The following MED16 variants were observed in gnomAD, a reference collection of about 807,000 sequenced individuals.
MED16 encodes the protein mediator of RNA polymerase II transcription subunit 16.
A neutral mutation model predicts 84.4 loss-of-function variants in MED16; 81 were observed. The ratio of observed to expected loss-of-function variants is 0.96; its 90% CI spans 0.80 to 1.15. The LOEUF is 1.15. Among genes scored for constraint, MED16 ranks in the 50% most tolerant of loss-of-function variants. MED16 has a pLI of 0.00. For synonymous variants in MED16, 897 were observed against 552.2 expected (o/e 1.62, Z -8.76); for missense variants, 1,585 against 1,245.9 (o/e 1.27, Z -4.10).
intron 7 of MED16, among the ~76,000 whole-genome samples, chr19:880,466 A>T (rs1453687056): frequency 6.6e-6 from 1 of 152,142 alleles, no homozygotes; most frequent in Non-Finnish European, 1.5e-5. Context: ...GTGGGGGACC[A>T]AGGGTTGGGG....
intron 6 of MED16, among the ~76,000 whole-genome samples, chr19:884,310 G>A (rs1599338996): frequency 6.6e-6 from 1 of 152,182 alleles, no homozygotes; most frequent in African/African-American, 2.4e-5. Flanking sequence ...TCCAGCCCCA[G>A]GATTTTGTGC....
At position 877,052 on chromosome 19, in the gene MED16, G is replaced by C. The variant is rs143998221; in HGVS notation, c.1482C>G (p.His494Gln). The C allele has an allele frequency of 6.2e-7, 1 of 1,612,616 alleles. No homozygotes were observed. The highest frequency in any genetic ancestry group is 1.3e-5 in the African/African-American group (1 of 75,062). Residue 494 changes from histidine to glutamine, a missense_variant, in exon 9 of 16, where the codon CAC becomes CAG. Coordinates refer to ENST00000325464, the MANE Select transcript of MED16 (RefSeq NM_005481.3). ...TGYDWWDILL[H>Q]VQPSMVQSLV... ...GGCTCTGTACCATACTGGGCTGCAC[G>C]TGCAGCAGGATGTCCCACCAGTCGT... is the stretch of plus-strand genomic sequence containing the variant.
intron 7 of MED16, among the ~76,000 whole-genome samples, chr19:881,015 T>C (rs924894113): frequency 6.6e-6 from 1 of 152,054 alleles, no homozygotes; most frequent in African/African-American, 2.4e-5. Context: ...TCAACCTCTC[T>C]GCAGGCTCTG....
intron 6 of MED16, among the ~76,000 whole-genome samples, chr19:883,087 G>A (rs908256192): frequency 6.6e-6 from 1 of 152,198 alleles, no homozygotes; most frequent in African/African-American, 2.4e-5. Context: ...TACCCTCACA[G>A]CACGATTTAC....
chr19:890,927 C>T (rs374864654), intron 2 of MED16, 36 bp downstream of exon 2: 47 of 1,600,176 alleles, frequency 2.9e-5, no homozygotes, highest in African/African-American at 2.7e-4. Flanking sequence ...GGACACCATG[C>T]GGCCGGGAGG....
rs11879913 is a variant in MED16, at chr19:889,918, G to A, written c.278-111C>T. Reference sequence around the variant, plus strand: ...AGCCCAGTGGAGAGGTCTCGGCCCAGGTAGGGCACAGCAGGTGGCACAAGG... The same window carrying A: ...AGCCCAGTGGAGAGGTCTCGGCCCAAGTAGGGCACAGCAGGTGGCACAAGG... On this transcript the variant is annotated intron_variant, in intron 3 of 15. Coordinates refer to ENST00000325464, the MANE Select transcript of MED16 (RefSeq NM_005481.3). The A allele has an allele frequency of 3.8e-3, 5,061 of 1,325,822 alleles. 142 individuals carry two copies. In the African/African-American group the frequency reaches 0.065, roughly 17 times the overall value. 82.1% of individuals were successfully genotyped at this position (1,325,822 alleles called of 1,614,324 possible).
At chr19:870,841 C>T (rs1463458667) in intron 13 of MED16, among the ~76,000 whole-genome samples, 196 bp downstream of exon 13, 12 of 72,090 alleles carry the variant, frequency 1.7e-4, no homozygotes, top group African/African-American at 5.5e-4. Flanking sequence ...CGGGGGGTCC[C>T]GGGGCAGGAC....
At chr19:892,952 A>G (rs2036673084) in intron 1 of MED16, 134 bp downstream of exon 1, 1 of 135,650 alleles carries the variant, frequency 7.4e-6, no homozygotes, top group Admixed American at 7.3e-5. Flanking sequence ...CAGGCCGCCT[A>G]CCCAGCAGCC....
intron 6 of MED16, among the ~76,000 whole-genome samples, chr19:883,608 G>C (rs886431072): frequency 1.3e-5 from 2 of 152,240 alleles, no homozygotes; most frequent in African/African-American, 4.8e-5. Flanking sequence ...CGTGGCTCTC[G>C]GGCGGGTAAC....
chr19:890,034 C>T (rs2036602104), intron 3 of MED16, 103 bp downstream of exon 3: 4 of 927,596 alleles, frequency 4.3e-6, no homozygotes, highest in Non-Finnish European at 6.5e-6. Flanking sequence ...AGACCAGGGG[C>T]TCTAGACCCA....
At chr19:877,563 A>AAGGCAGCGC (rs1471153322) in intron 8 of MED16, among the ~76,000 whole-genome samples, 3 of 91,318 alleles carry the variant, frequency 3.3e-5, no homozygotes, top group South Asian at 2.7e-4. Context: ...TCACACAGAC[A>AAGGCAGCGC]AGGCAGCGCA....
intron 8 of MED16, among the ~76,000 whole-genome samples, chr19:878,363 CA>C (rs2036317013): frequency 6.0e-5 from 1 of 16,730 alleles, no homozygotes; most frequent in Non-Finnish European, 1.4e-4. Context: ...CCACCAGCCC[CA>C]GCCCCAGCCC....
At chr19:880,284 G>A in intron 7 of MED16, 136 bp from the exon 8 acceptor site, 3 of 713,896 alleles carry the variant, frequency 4.2e-6, no homozygotes, top group Non-Finnish European at 6.4e-6. Context: ...TCGGCATCCA[G>A]CGCCCGTGCC....
chr19:891,223 T>C (rs2036625358), intron 1 of MED16, 74 bp from the exon 2 acceptor site: 3 of 1,437,374 alleles, frequency 2.1e-6, no homozygotes, highest in Non-Finnish European at 1.9e-6. Context: ...AGGCCAGAAG[T>C]GGGAAAACAA....
At position 878,719 on chromosome 19, in the gene MED16, G is replaced by T. The variant is rs1447393070; in HGVS notation, c.1353+1218C>A. 1.3e-4 allele frequency among the ~76,000 whole-genome samples: 16 copies of T among 126,332 alleles called. 2 individuals carry two copies. The highest frequency in any genetic ancestry group is 4.4e-4 in the African/African-American group (14 of 32,126). 82.9% of individuals were successfully genotyped at this position (126,332 alleles called of 152,430 possible). ...GTGCCCCAGCAGCTCGCCTTCCCCT[G>T]GTTGTCAATCCCCACCAGGGCCAGC... On this transcript the variant is annotated intron_variant, in intron 8 of 15. Coordinates refer to ENST00000325464, the MANE Select transcript of MED16 (RefSeq NM_005481.3).
rs143653291 is a variant in MED16, at chr19:885,839, G to A, written c.810C>T (p.Asp270=). 3.7e-5 allele frequency: 59 copies of A among 1,613,748 alleles called. No homozygotes were observed. The African/African-American group carries it at 6.8e-4, about 19-fold the overall frequency. The change falls in exon 5 of 16, where the codon GAC becomes GAT. Residue 270 remains aspartate, a synonymous_variant. Coordinates refer to ENST00000325464, the MANE Select transcript of MED16 (RefSeq NM_005481.3). ...CGGGAAACTTGTCCTTGCGGTTGAG[G>A]TCGGTGGTGCAGCGCATGAACAGGG... ...LPSLFMRCTT[D]LNRKDKFPAI...
rs191602968 is a variant in MED16 at position 883,492 on chromosome 19, G to C, written c.985+1411C>G. The stretch of plus-strand genomic sequence containing the variant: ...GCCTGGCATGGTGGGCACGTGGGGC[G>C]GTAGGGGGAGAGATGGGGGAGAGAT... On this transcript the variant is annotated intron_variant, in intron 6 of 15. Coordinates refer to ENST00000325464, the MANE Select transcript of MED16 (RefSeq NM_005481.3). 1.5e-3 allele frequency among the ~76,000 whole-genome samples: 233 copies of C among 151,918 alleles called. 12 individuals are homozygous for C. Among genetic ancestry groups the C allele is most frequent in the African/African-American group, 5.3e-3 (219 of 41,292 alleles).
intron 11 of MED16, chr19:872,866 G>A (rs2036116176): frequency 2.6e-6 from 2 of 756,788 alleles, no homozygotes; most frequent in South Asian, 8.2e-5. Context: ...GGGAGGCGGG[G>A]CTTTGAGAAT....
At chr19:878,686 AACCCCACGT>A (rs2145221214) in intron 8 of MED16, among the ~76,000 whole-genome samples, 2 of 79,456 alleles carry the variant, frequency 2.5e-5, no homozygotes, top group African/African-American at 5.0e-5. Flanking sequence ...CAACAGCCCC[AACCCCACGT>A]GCCCCAGCAG....
Sources: gnomAD v4.1 joint callset for allele counts (sites outside exome capture counted in the v4.1 genomes callset) on GRCh38, gnomAD v4.1.1 for gene constraint, MANE v1.5 for transcripts, NCBI Gene and HGNC (gene_info 2026-07-23, HGNC 2026-07-21) for gene names.